Variants in BAZ2B observed in about 807,000 individuals in gnomAD.
BAZ2B encodes the protein bromodomain adjacent to zinc finger domain 2B.
A neutral mutation model predicts 246.0 loss-of-function variants in BAZ2B; 91 were observed. That is an observed-to-expected ratio of 0.37 (90% confidence interval 0.31 to 0.44). The LOEUF (loss-of-function observed/expected upper bound fraction) is 0.44. Among genes scored for constraint, BAZ2B ranks in the 20% least tolerant of loss-of-function variants. The pLI is 1.00. For missense variants in BAZ2B, 2,332 were observed against 2,533.7 expected (o/e 0.92, Z 1.71); for synonymous variants, 855 against 860.0 (o/e 0.99, Z 0.10).
At chr2:159,576,513 A>C (rs994407089) in intron 1 of BAZ2B, among the ~76,000 whole-genome samples, 1 of 146,796 alleles carries the variant, frequency 6.8e-6, no homozygotes, top group South Asian at 2.2e-4. Context: ...TCATGCACCA[A>C]TCAGATTATC....
chr2:159,512,165 GT>G (rs1345841119), intron 2 of BAZ2B, among the ~76,000 whole-genome samples: 1 of 152,008 alleles, frequency 6.6e-6, no homozygotes, highest in Non-Finnish European at 1.5e-5. Context: ...AAAAAAACTG[GT>G]ATTTCTGTAT....
At chr2:159,544,046 C>T (rs187268594) in intron 2 of BAZ2B, among the ~76,000 whole-genome samples, 258 of 152,162 alleles carry the variant, frequency 1.7e-3, no homozygotes, top group Admixed American at 3.2e-3. Context: ...GGTCCTTTTC[C>T]TTTTAGAGTT....
chr2:159,341,751 A>G (rs1038101240), intron 31 of BAZ2B, among the ~76,000 whole-genome samples: 1 of 152,228 alleles, frequency 6.6e-6, no homozygotes, highest in Non-Finnish European at 1.5e-5. Context: ...AATGTAAACA[A>G]CAGGGTCCTG....
chr2:159,423,507 C>T (rs1044558523), intron 13 of BAZ2B, among the ~76,000 whole-genome samples: 1 of 152,276 alleles, frequency 6.6e-6, no homozygotes, highest in East Asian at 1.9e-4. Context: ...ACCCAGCAAT[C>T]CCACTACTGG....
intron 11 of BAZ2B, 65 bp from the exon 12 acceptor site, chr2:159,428,484 A>G: frequency 1.5e-6 from 2 of 1,325,570 alleles, no homozygotes; most frequent in Non-Finnish European, 2.1e-6. Context: ...AAAATTAAAA[A>G]TAAGTTAAAG....
At chr2:159,392,059 G>C (rs2063398487) in intron 20 of BAZ2B, 1 of 152,142 alleles carries the variant, frequency 6.6e-6, no homozygotes, top group Non-Finnish European at 1.5e-5. Flanking sequence ...ACAAGCGCTT[G>C]TCTCACATCT....
chr2:159,460,670 G>A (rs1399105534), intron 3 of BAZ2B: 1 of 152,020 alleles, frequency 6.6e-6, no homozygotes, highest in Non-Finnish European at 1.5e-5. Context: ...TAATAACTTA[G>A]TGTAATAGCA....
downstream of BAZ2B, among the ~76,000 whole-genome samples, chr2:159,318,651 G>A (rs923555207): frequency 2.0e-5 from 3 of 152,144 alleles, no homozygotes; most frequent in Admixed American, 6.5e-5. Context: ...TTATATATCC[G>A]TTTTTCTTCT....
At chr2:159,590,675 C>T (rs1689192166) in intron 1 of BAZ2B, among the ~76,000 whole-genome samples, 1 of 152,086 alleles carries the variant, frequency 6.6e-6, no homozygotes, top group South Asian at 2.1e-4. Context: ...AGTGAAAAGA[C>T]GCTTTAACTC....
chr2:159,480,200 G>C lies in BAZ2B; in HGVS notation c.-2-1479C>G, dbSNP rs544340644. The stretch of plus-strand genomic sequence containing the variant: ...AAAAGCTATTTTTTCTTTATAGCTG[G>C]TAACCTCATTGTCTTCAAGAATTCT... On this transcript the variant is annotated intron_variant, in intron 2 of 36. Transcript: ENST00000392783. Among the ~76,000 whole-genome samples, 9 of 152,056 alleles carry C rather than the reference G, an allele frequency of 5.9e-5. No individual in the cohort carries two copies. The East Asian group carries it at 1.5e-3, about 26-fold the overall frequency.
At chr2:159,534,319 T>G (rs185962209) in intron 2 of BAZ2B, among the ~76,000 whole-genome samples, 172 of 152,350 alleles carry the variant, frequency 1.1e-3, no homozygotes, top group Admixed American at 3.3e-3. Context: ...TGGTAAAGAC[T>G]ACTACATACC....
At chr2:159,643,003 T>G in the BAZ2B span, among the ~76,000 whole-genome samples, 1 of 152,252 alleles carries the variant, frequency 6.6e-6, no homozygotes, top group African/African-American at 2.4e-5. Context: ...TCACCAATAC[T>G]AAGTTCCTGA....
chr2:159,689,680 T>C, the BAZ2B span: 8 of 347,722 alleles, frequency 2.3e-5, no homozygotes, highest in South Asian at 2.3e-4. Context: ...CCAGCATTTT[T>C]ACTTTTCTAA....
intron 3 of BAZ2B, among the ~76,000 whole-genome samples, chr2:159,468,294 G>C (rs1313138639): frequency 6.6e-6 from 1 of 151,920 alleles, no homozygotes; most frequent in Admixed American, 6.6e-5. Flanking sequence ...GAAAATTAGG[G>C]GGTAATCTTA....
the BAZ2B span, among the ~76,000 whole-genome samples, chr2:159,650,521 C>G: frequency 6.6e-6 from 1 of 152,110 alleles, no homozygotes; most frequent in Non-Finnish European, 1.5e-5. Flanking sequence ...GGCACTATTC[C>G]TATTCCTGTG....
intron 6 of BAZ2B, 138 bp from the exon 7 acceptor site, chr2:159,439,350 A>T: frequency 2.6e-6 from 2 of 762,796 alleles, no homozygotes; most frequent in South Asian, 3.8e-5. Flanking sequence ...ACATATCGTA[A>T]GGATAATTAT....
chr2:159,486,859 G>A (rs1374437384), intron 2 of BAZ2B, among the ~76,000 whole-genome samples: 1 of 151,946 alleles, frequency 6.6e-6, no homozygotes, highest in Non-Finnish European at 1.5e-5. Flanking sequence ...AAAGAAAGAG[G>A]TAGACCTATA....
chr2:159,326,048 AT>A (rs2063671866), intron 34 of BAZ2B, 130 bp from the exon 35 acceptor site: 1 of 759,870 alleles, frequency 1.3e-6, no homozygotes, highest in Non-Finnish European at 1.9e-6. Context: ...GTTGATAACT[AT>A]TATTCTTAAG....
chr2:159,597,426 G>A (rs1011771375), intron 1 of BAZ2B, among the ~76,000 whole-genome samples: 1 of 152,182 alleles, frequency 6.6e-6, no homozygotes, highest in Non-Finnish European at 1.5e-5. Context: ...TATCCTAACA[G>A]AATAACTTTC....
Sources: allele counts gnomAD v4.1 joint callset (sites outside exome capture counted in the v4.1 genomes callset), GRCh38; gene constraint gnomAD v4.1.1; transcripts MANE v1.5; gene names NCBI Gene and HGNC (gene_info 2026-07-23, HGNC 2026-07-21).